CEP112: variants seen among roughly 807,000 people sequenced by gnomAD.
The protein encoded by CEP112 is centrosomal protein 112, also known as centrosomal protein of 112 kDa.
A neutral mutation model predicts 153.0 loss-of-function variants in CEP112; 127 were observed. That is an observed-to-expected ratio of 0.83 (90% CI 0.72 to 0.96). CEP112 has a LOEUF of 0.96. Among genes scored for constraint, CEP112 ranks in the 40% least tolerant of loss-of-function variants. The pLI is 0.00. For synonymous variants in CEP112, 358 were observed against 374.4 expected, an observed-to-expected ratio of 0.96 and a Z score of 0.51; for missense variants, 1,089 against 1,101.2, an observed-to-expected ratio of 0.99 and a Z score of 0.16.
intron 18 of CEP112, among the ~76,000 whole-genome samples, chr17:65,953,527 T>C (rs1461525617): frequency 1.3e-5 from 2 of 152,198 alleles, no homozygotes; most frequent in African/African-American, 2.4e-5. Context: ...GTCTGCTTGC[T>C]TTCTCAATGG....
intron 17 of CEP112, among the ~76,000 whole-genome samples, chr17:65,977,084 A>G (rs1016485084): frequency 3.3e-5 from 5 of 152,168 alleles, no homozygotes; most frequent in Admixed American, 3.3e-4. Context: ...ATGGTAACCA[A>G]ATAAAAACAG....
intron 18 of CEP112, among the ~76,000 whole-genome samples, chr17:65,939,402 A>T (rs12938545): frequency 0.48 from 72,760 of 151,952 alleles, 18,421 homozygotes; most frequent in East Asian, 0.89. Flanking sequence ...ATTGGTATGG[A>T]ATCATAGAAG....
intron 21 of CEP112, among the ~76,000 whole-genome samples, chr17:65,818,930 C>A (rs1022602307): frequency 1.3e-5 from 2 of 151,792 alleles, no homozygotes; most frequent in African/African-American, 4.8e-5. Context: ...ACCTATTACA[C>A]CTCCATTCTA....
chr17:65,758,108 A>G (rs1280722506), intron 21 of CEP112, among the ~76,000 whole-genome samples: 2 of 152,086 alleles, frequency 1.3e-5, no homozygotes, highest in East Asian at 3.9e-4. Context: ...GATTACAGGT[A>G]CATGACACTG....
At chr17:65,842,622 C>T (rs937271075) in intron 21 of CEP112, among the ~76,000 whole-genome samples, 1 of 152,070 alleles carries the variant, frequency 6.6e-6, no homozygotes, top group Non-Finnish European at 1.5e-5. Flanking sequence ...GGTACCCCTG[C>T]TTATTTTGTT....
At chr17:66,157,350 G>T (rs1312019407) in intron 4 of CEP112, among the ~76,000 whole-genome samples, 1 of 152,068 alleles carries the variant, frequency 6.6e-6, no homozygotes, top group Non-Finnish European at 1.5e-5. Flanking sequence ...TCACCACCAG[G>T]CCTGCCTTAC....
chr17:65,682,281 C>T (rs987279251), intron 24 of CEP112, among the ~76,000 whole-genome samples: 23 of 152,288 alleles, frequency 1.5e-4, no homozygotes, highest in African/African-American at 4.8e-4. Flanking sequence ...CATGAGCCAC[C>T]GCGCCCAGCC....
At chr17:65,641,093 C>A (rs1446642163) in intron 24 of CEP112, 28 bp from the exon 25 acceptor site, 2 of 1,145,982 alleles carry the variant, frequency 1.7e-6, no homozygotes, top group African/African-American at 1.5e-5. Context: ...TAAGAGTTAT[C>A]TTTTTACCAC....
intron 18 of CEP112, among the ~76,000 whole-genome samples, chr17:65,956,432 A>ACACACACACACC (rs1489996581): frequency 8.0e-5 from 12 of 150,686 alleles, no homozygotes; most frequent in Non-Finnish European, 1.0e-4. Flanking sequence ...ACACACACAC[A>ACACACACACACC]CACCATGGAA....
At chr17:65,922,828 G>A (rs2060783057) in intron 19 of CEP112, among the ~76,000 whole-genome samples, 1 of 151,980 alleles carries the variant, frequency 6.6e-6, no homozygotes, top group Non-Finnish European at 1.5e-5. Flanking sequence ...TGTAACTATA[G>A]CATAATAAAA....
chr17:65,835,623 C>T (rs1159453702), intron 21 of CEP112, among the ~76,000 whole-genome samples: 1 of 152,084 alleles, frequency 6.6e-6, no homozygotes, highest in Non-Finnish European at 1.5e-5. Context: ...CTTCACTATT[C>T]TTCAAAAATG....
chr17:65,902,007 A>AG (rs2059880792), intron 20 of CEP112, 145 bp downstream of exon 20: 1 of 93,246 alleles, frequency 1.1e-5, no homozygotes, highest in Admixed American at 2.1e-4. Context: ...GGTGGGGGGG[A>AG]GAAAAACAAA....
Position 65,855,936 on chromosome 17 carries a change from T to C in CEP112, c.2164-3902A>G, listed in dbSNP as rs1448930006. On this transcript the variant is annotated intron_variant, in intron 20 of 26. Transcript: ENST00000535342. ...GAAATGAGTCAGGTGTGGTGGGGTG[T>C]GCCTGTAGTCCCAGCTACTCAGGAG... is the stretch of plus-strand genomic sequence containing the variant. Among the ~76,000 whole-genome samples the C allele has an allele frequency of 3.9e-5, 6 of 152,090 alleles. No individual in the cohort carries two copies. The East Asian group carries it at 1.2e-3, about 29-fold the overall frequency.
intron 24 of CEP112, among the ~76,000 whole-genome samples, chr17:65,648,181 C>T (rs935314780): frequency 1.3e-5 from 2 of 152,158 alleles, no homozygotes; most frequent in African/African-American, 2.4e-5. Context: ...TGGATAATCA[C>T]GTGCTCTTCC....
chr17:66,004,386 G>A (rs1317118150), intron 17 of CEP112, among the ~76,000 whole-genome samples: 1 of 152,168 alleles, frequency 6.6e-6, no homozygotes, highest in Non-Finnish European at 1.5e-5. Context: ...AACTACTCAG[G>A]AGGCTGAGGC....
In CEP112 at chr17:65,906,692, C is replaced by T. The variant is rs544473042; in HGVS notation, c.1981-4358G>A. On this transcript the variant is annotated intron_variant, in intron 19 of 26. Coordinates refer to ENST00000535342, the MANE Select transcript of CEP112 (RefSeq NM_001199165.4). ...ACATTTTCTCCTAATACATACTATA[C>T]CGAGTAAGAAAGTTTTCTTTATTTA... is the stretch of plus-strand genomic sequence containing the variant. 4.6e-5 allele frequency among the ~76,000 whole-genome samples: 7 copies of T among 152,076 alleles called. No individual in the cohort carries two copies. In the Middle Eastern group the frequency reaches 0.017, roughly 369 times the overall value.
chr17:65,667,799 C>T (rs2046770296), intron 24 of CEP112, among the ~76,000 whole-genome samples: 1 of 152,076 alleles, frequency 6.6e-6, no homozygotes, highest in African/African-American at 2.4e-5. Flanking sequence ...AATAATGAGT[C>T]ACAGCAGGAC....
chr17:65,697,417 T>C (rs1187864645), intron 23 of CEP112, among the ~76,000 whole-genome samples: 1 of 152,250 alleles, frequency 6.6e-6, no homozygotes, highest in African/African-American at 2.4e-5. Context: ...CCTTTTGCCA[T>C]GTAAATTGAC....
chr17:65,665,426 T>C (rs1472300484), intron 24 of CEP112, among the ~76,000 whole-genome samples: 1 of 152,164 alleles, frequency 6.6e-6, no homozygotes, highest in East Asian at 1.9e-4. Flanking sequence ...TTTCTGCCAT[T>C]CCCTCCTGCC....
Sources: gnomAD v4.1 joint callset for allele counts (sites outside exome capture counted in the v4.1 genomes callset) on GRCh38, gnomAD v4.1.1 for gene constraint, MANE v1.5 for transcripts, NCBI Gene and HGNC (gene_info 2026-07-23, HGNC 2026-07-21) for gene names.